The following REL variants were observed in gnomAD, a reference collection of about 807,000 sequenced individuals.
REL encodes REL proto-oncogene, NF-kB subunit.
A neutral mutation model predicts 45.9 loss-of-function variants in REL; 15 were observed. That is an observed-to-expected ratio of 0.33 (90% CI 0.22 to 0.50). REL has a LOEUF of 0.50. Among genes scored for constraint, REL ranks in the 20% least tolerant of loss-of-function variants. REL has a pLI of 0.98. For missense variants in REL, 601 were observed against 715.2 expected (o/e 0.84, Z 1.82); for synonymous variants, 239 against 242.1 (o/e 0.99, Z 0.12).
rs1673768102 is a variant in REL at position 60,910,027 on chromosome 2, TG to T, written c.395-6849del. 2.0e-5 allele frequency among the ~76,000 whole-genome samples: 3 copies of T among 152,218 alleles called. No homozygotes were observed. The South Asian group carries it at 6.2e-4, about 31-fold the overall frequency. ...CACTTCTAGAGCTAGTAGACATAATTGATTTTTAAAATTTAATTCCTGCTTA... is the reference window on the plus strand; with the variant it reads ...CACTTCTAGAGCTAGTAGACATAATTATTTTTAAAATTTAATTCCTGCTTA... On this transcript the variant is annotated intron_variant, in intron 4 of 9. Coordinates refer to ENST00000394479, the MANE Select transcript of REL (RefSeq NM_001291746.2).
chr2:60,920,234 C>A, intron 8 of REL, 125 bp downstream of exon 8: 1 of 770,876 alleles, frequency 1.3e-6, no homozygotes. Flanking sequence ...TAGCATCTCT[C>A]TCTGTCACCC....
At chr2:60,911,801 C>G (rs1673821847) in intron 4 of REL, among the ~76,000 whole-genome samples, 1 of 151,694 alleles carries the variant, frequency 6.6e-6, no homozygotes, top group African/African-American at 2.4e-5. Context: ...GAGGTTGAGA[C>G]CATCCTGGCC....
Position 60,894,558 on chromosome 2 carries a change from T to C in REL, c.302+13T>C. ...GCAGACCTTTGTTGTAAGTACACAGTTACAGACATCTTCAGAAATAAGATA... is the reference window on the plus strand; with the variant it reads ...GCAGACCTTTGTTGTAAGTACACAGCTACAGACATCTTCAGAAATAAGATA... On this transcript the variant is annotated intron_variant, in intron 3 of 9. Transcript: ENST00000394479. The C allele has an allele frequency of 4.5e-6, 7 of 1,544,194 alleles. No homozygotes were observed. The highest frequency in any genetic ancestry group is 1.2e-5 in the South Asian group (1 of 80,672).
chr2:60,919,681 T>C (rs777458995), intron 7 of REL, among the ~76,000 whole-genome samples: 41 of 152,144 alleles, frequency 2.7e-4, no homozygotes, highest in Non-Finnish European at 5.1e-4. Flanking sequence ...CACCTCAGCC[T>C]CCCAAAGTGC....
intron 4 of REL, chr2:60,911,564 G>T (rs1469211308): frequency 6.6e-6 from 1 of 152,126 alleles, no homozygotes; most frequent in African/African-American, 2.4e-5. Flanking sequence ...ATATTGTCAG[G>T]AGATATGAAG....
chr2:60,896,315 A>G (rs1673346341), intron 3 of REL, among the ~76,000 whole-genome samples: 1 of 152,166 alleles, frequency 6.6e-6, no homozygotes, highest in Admixed American at 6.5e-5. Context: ...GGCCAGATAA[A>G]TAGGTTTTAA....
At chr2:60,900,536 T>C (rs1673464560) in intron 3 of REL, 1 of 158,696 alleles carries the variant, frequency 6.3e-6, no homozygotes. Flanking sequence ...TCTTTTTTTT[T>C]TTTTGAGGCA....
intron 4 of REL, among the ~76,000 whole-genome samples, chr2:60,916,013 T>C (rs908407499): frequency 6.6e-6 from 1 of 152,240 alleles, no homozygotes; most frequent in African/African-American, 2.4e-5. Flanking sequence ...TGTACAATTT[T>C]CTAATAGATT....
At chr2:60,899,676 T>C (rs1204083824) in intron 3 of REL, 1 of 152,328 alleles carries the variant, frequency 6.6e-6, no homozygotes, top group African/African-American at 2.4e-5. Flanking sequence ...AGTAATGTTA[T>C]TATAATTGAG....
At chr2:60,919,404 T>C (rs1264979500) in intron 7 of REL, among the ~76,000 whole-genome samples, 1 of 151,448 alleles carries the variant, frequency 6.6e-6, no homozygotes, top group Non-Finnish European at 1.5e-5. Context: ...TTGGCTAATT[T>C]TTGTGGGGTT....
At chr2:60,887,955 T>C (rs181535349) in intron 1 of REL, among the ~76,000 whole-genome samples, 115 of 150,122 alleles carry the variant, frequency 7.7e-4, no homozygotes, top group Non-Finnish European at 1.3e-3. Context: ...TGAGACGGAG[T>C]CTCACTCTGT....
chr2:60,898,946 C>CAATCTCTTGATCCTTCATTTCAG (rs1673426938), intron 3 of REL: 1 of 152,206 alleles, frequency 6.6e-6, no homozygotes, highest in East Asian at 1.9e-4. Context: ...TTGATTCAAA[C>CAATCTCTTGATCCTTCATTTCAG]AATCTCTTGA....
rs766571908 is a variant in REL at position 60,924,934 on chromosome 2, CTT to C, written c.*2402_*2403del. The C allele has an allele frequency of 3.3e-5, 7 of 212,146 alleles. No individual in the cohort carries two copies. Among genetic ancestry groups the C allele is most frequent in the Non-Finnish European group, 6.7e-5 (7 of 104,740 alleles). 13.1% of individuals were successfully genotyped at this position (212,146 alleles called of 1,614,324 possible). A position where few individuals can be genotyped will look rare whatever the true frequency, so the allele number is the denominator to read the frequency against. On this transcript the variant is annotated 3_prime_UTR_variant, in exon 10 of 10. Transcript: ENST00000394479. ...TTTATTTGCTGTTTGTGTTTCGTGA[CTT>C]TTGGTAATTCTGGCATTTAGAAACC... is the stretch of plus-strand genomic sequence containing the variant.
intron 1 of REL, among the ~76,000 whole-genome samples, chr2:60,885,751 C>G (rs1673056603): frequency 6.6e-6 from 1 of 152,166 alleles, no homozygotes. Context: ...AGGTCTCAGG[C>G]AAAGTCTGTC....
At chr2:60,904,479 G>C (rs1160895998) in intron 4 of REL, among the ~76,000 whole-genome samples, 4 of 151,808 alleles carry the variant, frequency 2.6e-5, no homozygotes, top group Non-Finnish European at 5.9e-5. Context: ...GCTAAGGCAG[G>C]AGAATCGCTT....
intron 4 of REL, among the ~76,000 whole-genome samples, chr2:60,907,559 T>G (rs1218632356): frequency 6.6e-6 from 1 of 152,054 alleles, no homozygotes; most frequent in Admixed American, 6.5e-5. Context: ...CACTTGAGCC[T>G]ATCAGGCTGG....
At chr2:60,921,126 G>A in intron 9 of REL, among the ~76,000 whole-genome samples, 1 of 146,896 alleles carries the variant, frequency 6.8e-6, no homozygotes, top group East Asian at 1.9e-4. Context: ...CCCTAGTTTA[G>A]GTAATTCAAC....
At chr2:60,912,885 A>C (rs1227358062) in intron 4 of REL, among the ~76,000 whole-genome samples, 1 of 152,166 alleles carries the variant, frequency 6.6e-6, no homozygotes, top group Non-Finnish European at 1.5e-5. Context: ...TTGAAAAAAA[A>C]ATAGTTATTT....
chr2:60,915,492 T>C (rs1034259889), intron 4 of REL, among the ~76,000 whole-genome samples: 7 of 152,226 alleles, frequency 4.6e-5, no homozygotes, highest in African/African-American at 1.7e-4. Context: ...AGCATAAGAA[T>C]GCTAATACTG....
Sources: gnomAD v4.1 joint callset for allele counts (sites outside exome capture counted in the v4.1 genomes callset) on GRCh38, gnomAD v4.1.1 for gene constraint, MANE v1.5 for transcripts, NCBI Gene and HGNC (gene_info 2026-07-23, HGNC 2026-07-21) for gene names.